The following PARD3B variants were observed in gnomAD, a reference collection of about 807,000 sequenced individuals.
The protein encoded by PARD3B is partitioning defective 3 homolog B.
In PARD3B, 103 loss-of-function variants were observed where a neutral mutation model predicts 130.2. The observed-to-expected ratio is 0.79, with a 90% CI of 0.67 to 0.93. The LOEUF (loss-of-function observed/expected upper bound fraction) is 0.93, where lower values mean the gene tolerates loss of function less well. Ranked by LOEUF, PARD3B falls within the 40% of genes least tolerant of loss-of-function variation. The probability of loss-of-function intolerance (pLI) is 0.00; values close to 1 mark genes in which losing one functional copy is unlikely to be tolerated. For missense variants in PARD3B, 1,609 were observed against 1,499.2 expected (o/e 1.07, Z -1.21); for synonymous variants, 583 against 553.2 (o/e 1.05, Z -0.76).
rs538730433 is a variant in PARD3B at position 204,686,062 on chromosome 2, T to C, written c.121-119T>C. On this transcript the variant is annotated intron_variant, in intron 1 of 22. Transcript: ENST00000406610. ...AATAGATAACATTTGTTTTCAGTGT[T>C]TAAAAATTTGATTACTAGAACATAT... is the stretch of plus-strand genomic sequence containing the variant. 158 of 681,882 alleles carry C rather than the reference T, an allele frequency of 2.3e-4. 1 individual carries two copies. The South Asian group carries it at 3.2e-3, about 14-fold the overall frequency. The allele number at this position is 681,882 out of a possible 1,614,324, so 42.2% of individuals were successfully genotyped here. A position where few individuals can be genotyped will look rare whatever the true frequency, so the allele number is the denominator to read the frequency against.
intron 18 of PARD3B, among the ~76,000 whole-genome samples, chr2:205,392,427 G>A (rs2045891212): frequency 6.6e-6 from 1 of 152,136 alleles, no homozygotes; most frequent in South Asian, 2.1e-4. Flanking sequence ...GCCTTAAAGA[G>A]GGTAGCAGAC....
intron 20 of PARD3B, among the ~76,000 whole-genome samples, chr2:205,462,536 T>C (rs139606827): frequency 5.4e-4 from 82 of 152,304 alleles, no homozygotes; most frequent in Middle Eastern, 3.4e-3. Context: ...CAGTTCACAT[T>C]GTGATTTTGA....
At chr2:205,054,416 ATATATATATATATATATATATTTTT>A (rs1186813526) in intron 4 of PARD3B, among the ~76,000 whole-genome samples, 1 of 17,666 alleles carries the variant, frequency 5.7e-5, no homozygotes, top group South Asian at 3.0e-3. Context: ...ATATATATAT[ATATATATATATATATATATATTTTT>A]TTTTTTTTTT....
chr2:204,734,890 C>A (rs1174401317), intron 2 of PARD3B, among the ~76,000 whole-genome samples: 4 of 151,840 alleles, frequency 2.6e-5, no homozygotes, highest in African/African-American at 9.7e-5. Context: ...TTACTGTACT[C>A]AAATTAGTCC....
intron 3 of PARD3B, among the ~76,000 whole-genome samples, chr2:205,035,230 A>G (rs1697733646): frequency 6.6e-6 from 1 of 152,122 alleles, no homozygotes; most frequent in Admixed American, 6.6e-5. Context: ...TAAATGGATA[A>G]TTTGTTATTT....
chr2:205,301,332 C>A lies in PARD3B; in HGVS notation c.2393-132C>A. On this transcript the variant is annotated intron_variant, in intron 17 of 22. Coordinates refer to ENST00000406610, the MANE Select transcript of PARD3B (RefSeq NM_001302769.2). This position sits in a 1 kb window ranked among gnomAD's most constrained non-coding sequence, Gnocchi z 5.2. Reference sequence around the variant, plus strand: ...GGCAGTCAGATCTTCAAAGGGCGCACGTAACCACATAGAAGGGTAGAACTA... The same window carrying A: ...GGCAGTCAGATCTTCAAAGGGCGCAAGTAACCACATAGAAGGGTAGAACTA... 6.9e-7 allele frequency: 1 copy of A among 1,447,768 alleles called. No homozygotes were observed. Among genetic ancestry groups the A allele is most frequent in the Non-Finnish European group, 9.2e-7 (1 of 1,084,732 alleles). The allele number at this position is 1,447,768 out of a possible 1,614,324, so 89.7% of individuals were successfully genotyped here. A position where few individuals can be genotyped will look rare whatever the true frequency, so the allele number is the denominator to read the frequency against.
intron 1 of PARD3B, among the ~76,000 whole-genome samples, chr2:204,666,794 G>A (rs1483378091): frequency 6.6e-6 from 1 of 152,152 alleles, no homozygotes; most frequent in Non-Finnish European, 1.5e-5. Flanking sequence ...ATGTTGAGAT[G>A]TAAGGTTGGA....
rs988030658 is a variant in PARD3B at position 204,886,213 on chromosome 2, C to T, written c.223-78939C>T. Among the ~76,000 whole-genome samples the T allele has an allele frequency of 7.9e-5, 12 of 152,172 alleles. 1 individual carries two copies. The highest frequency in any genetic ancestry group is 1.9e-4 in the African/African-American group (8 of 41,452). On this transcript the variant is annotated intron_variant, in intron 2 of 22. Transcript: ENST00000406610. Reference sequence around the variant, plus strand: ...CTCTGGGTGGATTGGTTCCATCTACCGAATGGGATATGAGGAGGCAAACCT... The same window carrying T: ...CTCTGGGTGGATTGGTTCCATCTACTGAATGGGATATGAGGAGGCAAACCT...
intron 2 of PARD3B, among the ~76,000 whole-genome samples, chr2:204,690,113 T>A (rs920851012): frequency 2.0e-5 from 3 of 152,286 alleles, no homozygotes; most frequent in Non-Finnish European, 2.9e-5. Context: ...TCTACCTCTG[T>A]TGCTTTCTTT....
intron 2 of PARD3B, among the ~76,000 whole-genome samples, chr2:204,947,974 TTAAG>T (rs1358739708): frequency 6.6e-6 from 1 of 152,200 alleles, no homozygotes; most frequent in Non-Finnish European, 1.5e-5. Flanking sequence ...TTTTTCATAA[TTAAG>T]TATCAGGTCT....
intron 20 of PARD3B, among the ~76,000 whole-genome samples, chr2:205,454,550 G>C (rs1319557086): frequency 2.6e-5 from 4 of 152,040 alleles, no homozygotes; most frequent in Admixed American, 6.6e-5. Flanking sequence ...GTTTTGCACA[G>C]ACTTCAGTCA....
intron 22 of PARD3B, among the ~76,000 whole-genome samples, chr2:205,579,597 A>G (rs1196307554): frequency 6.6e-6 from 1 of 152,168 alleles, no homozygotes; most frequent in Non-Finnish European, 1.5e-5. Flanking sequence ...AATTTTGCAA[A>G]TCACATTTTG....
chr2:205,431,654 A>T (rs1026460459), intron 19 of PARD3B, among the ~76,000 whole-genome samples: 42 of 151,920 alleles, frequency 2.8e-4, no homozygotes, highest in African/African-American at 9.7e-4. Flanking sequence ...TATTTTTAGT[A>T]GAGACGGGGT....
chr2:205,164,729 A>G (rs1372156730), intron 11 of PARD3B, among the ~76,000 whole-genome samples: 2 of 151,980 alleles, frequency 1.3e-5, no homozygotes, highest in African/African-American at 4.8e-5. Context: ...TTGATATAGC[A>G]TGGTAATGAT....
chr2:204,966,358 G>A (rs1433577521), intron 3 of PARD3B, among the ~76,000 whole-genome samples: 1 of 152,152 alleles, frequency 6.6e-6, no homozygotes, highest in Non-Finnish European at 1.5e-5. Flanking sequence ...TTGGAACCGA[G>A]CTAGTGAAGC....
At chr2:204,858,063 G>T (rs1004975567) in intron 2 of PARD3B, among the ~76,000 whole-genome samples, 1 of 152,044 alleles carries the variant, frequency 6.6e-6, no homozygotes, top group Admixed American at 6.6e-5. Flanking sequence ...GGTATAAATG[G>T]ATACAATAGT....
intron 15 of PARD3B, among the ~76,000 whole-genome samples, chr2:205,223,702 G>T (rs1164889660): frequency 6.6e-6 from 1 of 152,204 alleles, no homozygotes; most frequent in Non-Finnish European, 1.5e-5. Context: ...ATGTAGGAAA[G>T]AAGTAAGTGA....
At chr2:204,904,977 A>G (rs1358327065) in intron 2 of PARD3B, among the ~76,000 whole-genome samples, 1 of 152,252 alleles carries the variant, frequency 6.6e-6, no homozygotes, top group Non-Finnish European at 1.5e-5. Context: ...TTCTAATAAA[A>G]TTAAAGACTT....
intron 2 of PARD3B, among the ~76,000 whole-genome samples, chr2:204,749,739 G>A (rs745853172): frequency 9.2e-5 from 14 of 152,050 alleles, no homozygotes; most frequent in Admixed American, 3.9e-4. Context: ...CTGGGCTTGC[G>A]AAGATTCTAA....
Sources: allele counts gnomAD v4.1 joint callset (sites outside exome capture counted in the v4.1 genomes callset), GRCh38; gene constraint gnomAD v4.1.1; non-coding constraint Gnocchi (gnomAD v3.1); transcripts MANE v1.5; gene names NCBI Gene and HGNC (gene_info 2026-07-23, HGNC 2026-07-21).